The following COX10 variants were observed in gnomAD, a reference collection of about 807,000 sequenced individuals.
The protein encoded by COX10 is protoheme IX farnesyltransferase, mitochondrial.
A neutral mutation model predicts 37.3 loss-of-function variants in COX10; 27 were observed. That is an observed-to-expected ratio of 0.72 (90% CI 0.53 to 1.00). The LOEUF (loss-of-function observed/expected upper bound fraction) is 1.00. Ranked by LOEUF, COX10 falls within the 50% of genes least tolerant of loss-of-function variation. The pLI is 0.00. For missense variants in COX10, 475 were observed against 563.2 expected, an observed-to-expected ratio of 0.84 and a Z score of 1.59; for synonymous variants, 222 against 229.1, an observed-to-expected ratio of 0.97 and a Z score of 0.28.
intron 3 of COX10, among the ~76,000 whole-genome samples, chr17:14,094,829 G>T (rs1447817555): frequency 6.6e-6 from 1 of 152,178 alleles, no homozygotes; most frequent in African/African-American, 2.4e-5. Context: ...TTATTTACCA[G>T]ACACTGTGCT....
intron 4 of COX10, among the ~76,000 whole-genome samples, chr17:14,110,454 A>C (rs149915847): frequency 6.6e-6 from 1 of 152,070 alleles, no homozygotes; most frequent in Non-Finnish European, 1.5e-5. Flanking sequence ...ACATAATGGA[A>C]ATGATACAAT....
intron 3 of COX10, among the ~76,000 whole-genome samples, chr17:14,080,900 C>T (rs1915279096): frequency 2.6e-5 from 4 of 151,868 alleles, no homozygotes; most frequent in African/African-American, 9.7e-5. Context: ...AAGGTTTCAT[C>T]ACCCTGTGGT....
At chr17:14,081,802 C>G (rs1284984648) in intron 3 of COX10, among the ~76,000 whole-genome samples, 1 of 152,176 alleles carries the variant, frequency 6.6e-6, no homozygotes, top group African/African-American at 2.4e-5. Flanking sequence ...TGGCTGCCCC[C>G]ACTGGCATTT....
intron 5 of COX10, among the ~76,000 whole-genome samples, chr17:14,168,700 G>A (rs1905362866): frequency 6.6e-6 from 1 of 152,190 alleles, no homozygotes; most frequent in Non-Finnish European, 1.5e-5. Context: ...CTGTACCTTG[G>A]CTCTTTTTAG....
At position 14,193,222 on chromosome 17, in the gene COX10, A is replaced by C. The variant is rs550054465; in HGVS notation, c.928+1001A>C. Among the ~76,000 whole-genome samples the C allele has an allele frequency of 4.4e-3, 676 of 152,100 alleles. 1 individual carries two copies. The highest frequency in any genetic ancestry group is 0.015 in the African/African-American group (639 of 41,376). ...CAAGGAAGCCGGCGGCGCTGCCTGG[A>C]TGGGGAGCCCGACCCCACCGCTCAT... On this transcript the variant is annotated intron_variant, in intron 6 of 6. Coordinates refer to ENST00000261643, the MANE Select transcript of COX10 (RefSeq NM_001303.4).
intron 3 of COX10, among the ~76,000 whole-genome samples, chr17:14,092,902 G>A (rs1375481538): frequency 6.6e-6 from 1 of 152,128 alleles, no homozygotes; most frequent in East Asian, 1.9e-4. Flanking sequence ...TCTGAATTAA[G>A]TTATACAATT....
At chr17:14,199,995 C>T (rs957815166) in intron 6 of COX10, among the ~76,000 whole-genome samples, 4 of 152,034 alleles carry the variant, frequency 2.6e-5, no homozygotes, top group South Asian at 2.1e-4. Context: ...ATTGTACTGG[C>T]GAGGGAAGAC....
At chr17:14,099,609 C>T (rs1915730773) in intron 3 of COX10, among the ~76,000 whole-genome samples, 1 of 151,914 alleles carries the variant, frequency 6.6e-6, no homozygotes, top group Non-Finnish European at 1.5e-5. Flanking sequence ...TGCATGTCCC[C>T]AAATATTCTT....
At chr17:14,163,665 G>A (rs1440545171) in intron 5 of COX10, among the ~76,000 whole-genome samples, 1 of 152,176 alleles carries the variant, frequency 6.6e-6, no homozygotes, top group Non-Finnish European at 1.5e-5. Context: ...TCCAAGGAGA[G>A]CCATGTCTTA....
rs1905636630 is a variant in COX10 at position 14,175,171 on chromosome 17, T to C, written c.695+15224T>C. On this transcript the variant is annotated intron_variant, in intron 5 of 6. Coordinates refer to ENST00000261643, the MANE Select transcript of COX10 (RefSeq NM_001303.4). The stretch of plus-strand genomic sequence containing the variant: ...AGATAAATTTATATGTTCTATATCT[T>C]GATTGTGGTGGTGGTTACACTATGT... 3.4e-5 allele frequency among the ~76,000 whole-genome samples: 4 copies of C among 116,278 alleles called. No homozygotes were observed. The South Asian group carries it at 1.2e-3, about 35-fold the overall frequency. 76.3% of individuals were successfully genotyped at this position (116,278 alleles called of 152,430 possible).
intron 1 of COX10, 35 bp downstream of exon 1, chr17:14,069,683 A>C: frequency 6.2e-7 from 1 of 1,613,386 alleles, no homozygotes; most frequent in Non-Finnish European, 8.5e-7. Flanking sequence ...CCTTGGGGGA[A>C]ATTCTTCTCT....
At position 14,206,971 on chromosome 17, in the gene COX10, C is replaced by T. The variant is rs1437074706; in HGVS notation, c.1090C>T (p.Leu364=). ...CGTGGCGCTGCGCCACTGCCTGGCC[C>T]TGCTCGTGCTGTCCGCAGCAGCCCC... ...RRVALRHCLA[L]LVLSAAAPVL... is the part of the protein sequence containing the mutation. Residue 364 remains leucine (L), a synonymous_variant, in exon 7 of 7, where the codon CTG becomes TTG. Coordinates refer to ENST00000261643, the MANE Select transcript of COX10 (RefSeq NM_001303.4). The T allele has an allele frequency of 6.2e-7, 1 of 1,614,068 alleles. No homozygotes were observed.
rs775089330 is a variant in COX10 at position 14,207,197 on chromosome 17, G to A, written c.1316G>A (p.Gly439Glu). ...CGGCCGAGCGGAGGCGGGGACGCAG[G>A]GCCCCCTCCCAGCTGAGAGCACTGG... is the stretch of plus-strand genomic sequence containing the variant. ...CKRPSGGGDA[G>E]PPPS The change falls in exon 7 of 7, where the codon GGG (glycine) becomes GAG (glutamate). Residue 439 changes from glycine to glutamate, a missense_variant. Around this residue, in one of 5 missense-constraint regions of COX10, gnomAD observed 160 missense variants for 180.6 expected, o/e 0.89. Coordinates refer to ENST00000261643, the MANE Select transcript of COX10 (RefSeq NM_001303.4). 17 of 1,597,186 alleles carry A rather than the reference G, an allele frequency of 1.1e-5. No homozygotes were observed. In the Admixed American group the frequency reaches 2.8e-4, roughly 27 times the overall value.
At chr17:14,161,223 T>G (rs1905164549) in intron 5 of COX10, among the ~76,000 whole-genome samples, 1 of 152,182 alleles carries the variant, frequency 6.6e-6, no homozygotes, top group Non-Finnish European at 1.5e-5. Flanking sequence ...TTGGCAACAC[T>G]GTCCTTTTAA....
intron 1 of COX10, among the ~76,000 whole-genome samples, chr17:14,070,494 GTT>G (rs1318967695): frequency 6.6e-6 from 1 of 152,146 alleles, no homozygotes; most frequent in Admixed American, 6.5e-5. Flanking sequence ...AGTGTACATT[GTT>G]TGCTCCCAAT....
At chr17:14,128,188 C>A (rs1052982830) in intron 4 of COX10, among the ~76,000 whole-genome samples, 4 of 151,890 alleles carry the variant, frequency 2.6e-5, no homozygotes, top group Non-Finnish European at 4.4e-5. Context: ...AAAGCTTATA[C>A]ATGAAAGGAT....
intron 3 of COX10, among the ~76,000 whole-genome samples, chr17:14,080,318 G>T (rs190437082): frequency 3.3e-4 from 49 of 149,496 alleles, no homozygotes; most frequent in African/African-American, 1.2e-3. Context: ...CCGCCTCCCG[G>T]GTTCACATCA....
intron 6 of COX10, among the ~76,000 whole-genome samples, chr17:14,200,464 A>C (rs879441708): frequency 3.3e-5 from 5 of 152,230 alleles, no homozygotes; most frequent in Non-Finnish European, 7.3e-5. Context: ...CTCTAATCAG[A>C]GCCAGGTGCC....
chr17:14,143,711 G>A (rs555580447), intron 4 of COX10, among the ~76,000 whole-genome samples: 2 of 152,076 alleles, frequency 1.3e-5, no homozygotes, highest in East Asian at 1.9e-4. Flanking sequence ...TTTTCAACAC[G>A]TTGAACATTA....
Sources: gnomAD v4.1 joint callset for allele counts (sites outside exome capture counted in the v4.1 genomes callset) on GRCh38, gnomAD v4.1.1 for gene constraint, gnomAD v4.1.1 regional missense constraint, MANE v1.5 for transcripts, NCBI Gene and HGNC (gene_info 2026-07-23, HGNC 2026-07-21) for gene names.